Variants in BCL2L14 observed in about 807,000 individuals in gnomAD.
The protein encoded by BCL2L14 is apoptosis facilitator Bcl-2-like protein 14.
Under a neutral mutation model 35.3 loss-of-function variants are expected in BCL2L14, and 27 were observed. The ratio of observed to expected loss-of-function variants is 0.76; its 90% CI spans 0.56 to 1.05. BCL2L14 has a LOEUF of 1.05. Ranked by LOEUF, BCL2L14 falls within the 50% of genes least tolerant of loss-of-function variation. BCL2L14 has a pLI of 0.00. For missense variants in BCL2L14, 377 were observed against 382.6 expected (o/e 0.99, Z 0.12); for synonymous variants, 139 against 145.9 (o/e 0.95, Z 0.34).
At chr12:12,084,179 G>A (rs540573328) in intron 2 of BCL2L14, among the ~76,000 whole-genome samples, 9 of 152,162 alleles carry the variant, frequency 5.9e-5, no homozygotes, top group South Asian at 2.1e-4. Flanking sequence ...GGCTGGTCTC[G>A]AACTCCTGGC....
chr12:12,059,938 C>A (rs981151279), intron 2 of BCL2L14, among the ~76,000 whole-genome samples: 6 of 152,004 alleles, frequency 3.9e-5, no homozygotes, highest in South Asian at 2.1e-4. Context: ...TTTACACATC[C>A]GTCCCTCTCT....
At chr12:12,068,000 A>G (rs1373177483), upstream of BCL2L14, 16 of 386,358 alleles carry the variant, frequency 4.1e-5, no homozygotes, top group East Asian at 5.9e-4. Flanking sequence ...TGGTGCCATC[A>G]TGGCTCATTG....
chr12:12,095,090 T>C (rs1949286871), intron 5 of BCL2L14, 160 bp downstream of exon 5: 2 of 985,166 alleles, frequency 2.0e-6, no homozygotes, highest in Admixed American at 1.2e-4. Flanking sequence ...TGGGAACATA[T>C]TTTTAGTGAT....
In BCL2L14 at chr12:12,075,155, G is replaced by A. The variant is rs138706245; in HGVS notation, c.-8+4018G>A. ...TATTTATTTTTGAGACAGAGTCTCCGTGTGTCACCCAGGCTGGAGTGCAAT... is the reference window on the plus strand; with the variant it reads ...TATTTATTTTTGAGACAGAGTCTCCATGTGTCACCCAGGCTGGAGTGCAAT... On this transcript the variant is annotated intron_variant, in intron 1 of 5. Transcript: ENST00000308721. 5.2e-3 allele frequency among the ~76,000 whole-genome samples: 783 copies of A among 150,946 alleles called. 5 individuals are homozygous for A. The highest frequency in any genetic ancestry group is 0.018 in the African/African-American group (741 of 41,034).
intron 2 of BCL2L14, among the ~76,000 whole-genome samples, chr12:12,063,655 T>C (rs1484364295): frequency 6.6e-6 from 1 of 152,184 alleles, no homozygotes; most frequent in Non-Finnish European, 1.5e-5. Flanking sequence ...TCGTTTTATT[T>C]TTCTTATTAA....
At position 12,079,571 on chromosome 12, in the gene BCL2L14, A is replaced by T. The variant is rs748480352; in HGVS notation, c.266A>T (p.Lys89Ile). Residue 89 changes from lysine (K) to isoleucine (I), a missense_variant, in exon 2 of 6, where the codon AAA becomes ATA. By Grantham distance (102) the Lys-to-Ile change is moderately radical (BLOSUM62 -3). Coordinates refer to ENST00000308721, the MANE Select transcript of BCL2L14 (RefSeq NM_138723.2). Reference protein sequence around the residue: ...SSEKAINLGKKKSSWKAFFGV... With the variant: ...SSEKAINLGKIKSSWKAFFGV... ...GAGAAGGCCATAAACCTTGGCAAGA[A>T]AAAGTCTTCTTGGAAAGCATTCTTT... 5 of 1,614,224 alleles carry T rather than the reference A, an allele frequency of 3.1e-6. No individual in the cohort carries two copies. The highest frequency in any genetic ancestry group is 4.2e-6 in the Non-Finnish European group (5 of 1,180,044).
chr12:12,087,108 T>G (rs1457144852), intron 2 of BCL2L14, 105 bp from the exon 3 acceptor site: 14 of 1,250,250 alleles, frequency 1.1e-5, no homozygotes, highest in Non-Finnish European at 1.5e-5. Context: ...CCAGGCAGTT[T>G]CCTTCTATTC....
intron 2 of BCL2L14, among the ~76,000 whole-genome samples, chr12:12,085,641 A>C (rs1410067515): frequency 6.6e-6 from 1 of 152,220 alleles, no homozygotes; most frequent in Non-Finnish European, 1.5e-5. Context: ...AGAGGATGGC[A>C]TCATGGACAG....
At chr12:12,057,120 C>A (rs1002635544) in intron 2 of BCL2L14, among the ~76,000 whole-genome samples, 10 of 152,168 alleles carry the variant, frequency 6.6e-5, no homozygotes, top group Non-Finnish European at 4.4e-5. Flanking sequence ...CATTTATAGT[C>A]AGATAAGAAA....
intron 4 of BCL2L14, among the ~76,000 whole-genome samples, chr12:12,092,117 G>C (rs1029878471): frequency 6.6e-6 from 1 of 152,252 alleles, no homozygotes; most frequent in South Asian, 2.1e-4. Context: ...GAGTTTCTGT[G>C]GCTCTCACGG....
intron 2 of BCL2L14, among the ~76,000 whole-genome samples, chr12:12,064,323 T>C (rs531536250): frequency 4.4e-4 from 67 of 151,960 alleles, no homozygotes; most frequent in African/African-American, 1.5e-3. Context: ...TCTTTTTTTG[T>C]AGAGATGGGG....
At chr12:12,077,824 G>A (rs1195812719) in intron 1 of BCL2L14, 1 of 214,406 alleles carries the variant, frequency 4.7e-6, no homozygotes, top group Non-Finnish European at 1.0e-5. Flanking sequence ...TTCTTGATAC[G>A]CTCACTGCCT....
intron 1 of BCL2L14, among the ~76,000 whole-genome samples, chr12:12,077,404 G>A (rs747237790): frequency 5.9e-5 from 9 of 152,008 alleles, no homozygotes; most frequent in South Asian, 2.1e-4. Context: ...AATTAGCCAG[G>A]TGTGGTGGCA....
intron 2 of BCL2L14, among the ~76,000 whole-genome samples, chr12:12,053,465 G>A (rs1318613792): frequency 6.6e-6 from 1 of 150,934 alleles, no homozygotes; most frequent in Admixed American, 6.6e-5. Flanking sequence ...TTGTTGCCCA[G>A]GCTGGAGTGC....
intron 2 of BCL2L14, among the ~76,000 whole-genome samples, chr12:12,056,725 C>T (rs886480496): frequency 3.3e-5 from 5 of 152,104 alleles, no homozygotes; most frequent in Non-Finnish European, 7.4e-5. Context: ...CCCAGCTACT[C>T]AGGAGGCTGA....
intron 4 of BCL2L14, among the ~76,000 whole-genome samples, chr12:12,094,061 C>G (rs1302767668): frequency 6.6e-6 from 1 of 150,386 alleles, no homozygotes; most frequent in East Asian, 1.9e-4. Flanking sequence ...GAGCTGAGAC[C>G]ACACCACTGC....
At chr12:12,082,376 G>T (rs561271413) in intron 2 of BCL2L14, among the ~76,000 whole-genome samples, 19 of 152,316 alleles carry the variant, frequency 1.2e-4, no homozygotes, top group Non-Finnish European at 2.6e-4. Flanking sequence ...CTTCTGCCGG[G>T]GGTGGCATCT....
intron 3 of BCL2L14, among the ~76,000 whole-genome samples, chr12:12,089,275 A>G (rs1744589951): frequency 6.6e-6 from 1 of 152,064 alleles, no homozygotes; most frequent in Admixed American, 6.5e-5. Context: ...AGGCTGAGGC[A>G]GGAGAATCGC....
At chr12:12,063,562 C>T (rs1234269217) in intron 2 of BCL2L14, among the ~76,000 whole-genome samples, 2 of 152,100 alleles carry the variant, frequency 1.3e-5, no homozygotes, top group African/African-American at 2.4e-5. Flanking sequence ...CAATCCCACT[C>T]GAAGCAGCCC....
Sources: gnomAD v4.1 joint callset for allele counts (sites outside exome capture counted in the v4.1 genomes callset) on GRCh38, gnomAD v4.1.1 for gene constraint, MANE v1.5 for transcripts, NCBI Gene and HGNC (gene_info 2026-07-23, HGNC 2026-07-21) for gene names.